Variants in SCAF8 observed in about 807,000 individuals in gnomAD.
SCAF8 encodes SR-related and CTD-associated factor 8.
In SCAF8, 23 loss-of-function variants were observed where a neutral mutation model predicts 140.5. The ratio of observed to expected loss-of-function variants is 0.16; its 90% CI spans 0.12 to 0.23. The LOEUF (loss-of-function observed/expected upper bound fraction) is 0.23, where lower values mean the gene tolerates loss of function less well. Among genes scored for constraint, SCAF8 ranks in the 10% least tolerant of loss-of-function variants. The pLI is 1.00. For missense variants in SCAF8, 1,397 were observed against 1,555.7 expected (o/e 0.90, Z 1.72); for synonymous variants, 575 against 528.9 (o/e 1.09, Z -1.20).
At chr6:154,801,936 C>T in intron 6 of SCAF8, 35 bp from the exon 7 acceptor site, 2 of 1,489,632 alleles carry the variant, frequency 1.3e-6, no homozygotes, top group Non-Finnish European at 9.0e-7. Context: ...AAAAACCCAA[C>T]ACCTGTTTTG....
At chr6:154,781,111 T>G (rs1777071774) in intron 3 of SCAF8, among the ~76,000 whole-genome samples, 2 of 152,176 alleles carry the variant, frequency 1.3e-5, no homozygotes, top group African/African-American at 4.8e-5. Context: ...CAAAAACTCC[T>G]TAAACTGATA....
chr6:154,734,367 C>A (rs181936325), intron 1 of SCAF8, among the ~76,000 whole-genome samples: 4 of 152,060 alleles, frequency 2.6e-5, no homozygotes, highest in Admixed American at 1.3e-4. Context: ...CGATTGGGGG[C>A]GGTGGGGGAA....
At chr6:154,798,377 A>C (rs917298989) in intron 6 of SCAF8, among the ~76,000 whole-genome samples, 6 of 151,314 alleles carry the variant, frequency 4.0e-5, no homozygotes, top group African/African-American at 1.2e-4. Flanking sequence ...GACAGAGACA[A>C]TTGAGAGTAA....
At chr6:154,763,261 A>G (rs893960348) in intron 1 of SCAF8, among the ~76,000 whole-genome samples, 5 of 152,164 alleles carry the variant, frequency 3.3e-5, no homozygotes, top group African/African-American at 7.2e-5. Context: ...TCTGGTTAGC[A>G]TGCTGTCTTG....
Position 154,733,447 on chromosome 6 carries a change from C to A in SCAF8, c.-454C>A. On this transcript the variant is annotated 5_prime_UTR_variant, in exon 1 of 20. Transcript: ENST00000367178. ...GATGCCGCAGCCGCTGCTGCCAGCG[C>A]TTCCTCCTCTGTCTTCGCCGAGCGG... is the stretch of plus-strand genomic sequence containing the variant. 1 of 1,392,422 alleles carries A rather than the reference C, an allele frequency of 7.2e-7. No homozygotes were observed. The highest frequency in any genetic ancestry group is 9.3e-7 in the Non-Finnish European group (1 of 1,072,752). 86.3% of individuals were successfully genotyped at this position (1,392,422 alleles called of 1,614,324 possible).
intron 6 of SCAF8, among the ~76,000 whole-genome samples, chr6:154,795,637 C>G (rs1034403211): frequency 6.6e-6 from 1 of 152,042 alleles, no homozygotes; most frequent in Admixed American, 6.6e-5. Context: ...ATGGACTAGT[C>G]ATGGCAGGAC....
intron 10 of SCAF8, 141 bp from the exon 11 acceptor site, chr6:154,808,545 C>T (rs757308254): frequency 5.0e-6 from 3 of 606,030 alleles, no homozygotes; most frequent in African/African-American, 3.7e-5. Flanking sequence ...TCTAATGGGG[C>T]CCAGGGAAGC....
At chr6:154,821,109 T>G (rs1778410511) in intron 15 of SCAF8, among the ~76,000 whole-genome samples, 1 of 152,174 alleles carries the variant, frequency 6.6e-6, no homozygotes, top group Non-Finnish European at 1.5e-5. Context: ...TTAATACATA[T>G]TTTAGTTTCT....
chr6:154,793,594 C>T (rs1019656965), intron 5 of SCAF8, among the ~76,000 whole-genome samples: 13 of 151,590 alleles, frequency 8.6e-5, no homozygotes, highest in Admixed American at 1.3e-4. Context: ...GCAGGCAGAT[C>T]GCCTGAGGTC....
intron 17 of SCAF8, 108 bp downstream of exon 17, chr6:154,824,486 C>G: frequency 1.0e-6 from 1 of 999,598 alleles, no homozygotes; most frequent in Non-Finnish European, 1.5e-6. Flanking sequence ...CCTTAGCATG[C>G]ATAGCCTTGT....
chr6:154,833,281 T>C lies in SCAF8; in HGVS notation c.3702T>C (p.Pro1234=), dbSNP rs1340662874. 1 of 1,614,020 alleles carries C rather than the reference T, an allele frequency of 6.2e-7. No homozygotes were observed. The highest frequency in any genetic ancestry group is 8.5e-7 in the Non-Finnish European group (1 of 1,179,994). ...QPPPIPVQND[P]ELYEKLTSSN... is the part of the protein sequence containing the mutation. ...CACCTATACCAGTACAGAATGATCC[T>C]GAACTTTATGAAAAACTGACATCTT... The change falls in exon 20 of 20, where the codon CCT becomes CCC. Residue 1234 remains proline (P), a synonymous_variant. Transcript: ENST00000367178.
In SCAF8 at chr6:154,792,805, G is replaced by A. The variant is rs770851505; in HGVS notation, c.322-18G>A. On this transcript the variant is annotated intron_variant, in intron 4 of 19. Transcript: ENST00000367178. Reference sequence around the variant, plus strand: ...TTGAGAGTAAAAACCAAAATGTCATGTTTCTTTTTTTCTCTAGAGTAAAAT... The same window carrying A: ...TTGAGAGTAAAAACCAAAATGTCATATTTCTTTTTTTCTCTAGAGTAAAAT... The A allele has an allele frequency of 1.9e-6, 3 of 1,556,208 alleles. No homozygotes were observed. Among genetic ancestry groups the A allele is most frequent in the Non-Finnish European group, 2.6e-6 (3 of 1,149,044 alleles).
intron 1 of SCAF8, among the ~76,000 whole-genome samples, chr6:154,738,633 C>T (rs922636025): frequency 2.0e-5 from 3 of 152,176 alleles, no homozygotes; most frequent in African/African-American, 7.2e-5. Flanking sequence ...AATGGGTGAG[C>T]AGTTAACCAT....
At chr6:154,815,840 T>A (rs770732313) in intron 13 of SCAF8, 24 bp downstream of exon 13, 1 of 1,481,116 alleles carries the variant, frequency 6.8e-7, no homozygotes, top group Non-Finnish European at 9.4e-7. Context: ...CTTAATAATT[T>A]AAGGTTTTAA....
intron 18 of SCAF8, among the ~76,000 whole-genome samples, chr6:154,829,065 T>C (rs1778651790): frequency 6.6e-6 from 1 of 152,114 alleles, no homozygotes; most frequent in South Asian, 2.1e-4. Context: ...TATTTGTTTG[T>C]TACATGAGTA....
At chr6:154,788,108 AC>A in intron 4 of SCAF8, 86 bp downstream of exon 4, 1 of 1,132,912 alleles carries the variant, frequency 8.8e-7, no homozygotes, top group Non-Finnish European at 1.3e-6. Flanking sequence ...TTATCTTAGT[AC>A]AGTCATGTGC....
chr6:154,739,974 C>T (rs1778524742), intron 1 of SCAF8, among the ~76,000 whole-genome samples: 1 of 152,148 alleles, frequency 6.6e-6, no homozygotes, highest in African/African-American at 2.4e-5. Context: ...TGGGAAGCAG[C>T]TATAAAACAC....
intron 1 of SCAF8, among the ~76,000 whole-genome samples, chr6:154,744,215 C>T (rs111637761): frequency 0.015 from 2,251 of 152,160 alleles, 57 homozygotes; most frequent in African/African-American, 0.051. Flanking sequence ...TCGCTTGAAC[C>T]GGGGAGGGAG....
Position 154,794,973 on chromosome 6 carries a change from A to G in SCAF8, c.476-36A>G, listed in dbSNP as rs755977597. 3.5e-5 allele frequency: 54 copies of G among 1,552,546 alleles called. No homozygotes were observed. In the South Asian group the frequency reaches 6.1e-4, roughly 18 times the overall value. On this transcript the variant is annotated intron_variant, in intron 5 of 19. Coordinates refer to ENST00000367178, the MANE Select transcript of SCAF8 (RefSeq NM_014892.5). ...TTTCTAGTCTTAGTTACTTACTTAC[A>G]TATTTATTTGGGGGGTGTGATGTTC...
Sources: gnomAD v4.1 joint callset for allele counts (sites outside exome capture counted in the v4.1 genomes callset) on GRCh38, gnomAD v4.1.1 for gene constraint, MANE v1.5 for transcripts, NCBI Gene and HGNC (gene_info 2026-07-23, HGNC 2026-07-21) for gene names.